FXR1: variants seen among roughly 807,000 people sequenced by gnomAD.
FXR1 encodes FMR1 autosomal homolog 1, also known as RNA-binding protein FXR1.
In FXR1, 15 loss-of-function variants were observed where a neutral mutation model predicts 84.0. That is an observed-to-expected ratio of 0.18 (90% CI 0.12 to 0.27). FXR1 has a LOEUF of 0.27. Ranked by LOEUF, FXR1 falls within the 10% of genes least tolerant of loss-of-function variation. FXR1 has a pLI of 1.00. For missense variants in FXR1, 480 were observed against 774.4 expected (o/e 0.62, Z 4.51); for synonymous variants, 245 against 250.7 (o/e 0.98, Z 0.21).
intron 13 of FXR1, among the ~76,000 whole-genome samples, 188 bp from the exon 14 acceptor site, chr3:180,967,863 T>C (rs1324826163): frequency 2.6e-5 from 4 of 152,200 alleles, no homozygotes; most frequent in African/African-American, 9.7e-5. Context: ...ACTATACTAG[T>C]ATATTAATAG....
At chr3:180,919,885 C>T (rs1718367181) in intron 1 of FXR1, among the ~76,000 whole-genome samples, 1 of 151,802 alleles carries the variant, frequency 6.6e-6, no homozygotes, top group South Asian at 2.1e-4. Flanking sequence ...CCAGGCTGGT[C>T]CCAAACTGCT....
At chr3:180,950,208 A>G (rs1722085800) in intron 7 of FXR1, among the ~76,000 whole-genome samples, 1 of 152,238 alleles carries the variant, frequency 6.6e-6, no homozygotes, top group Non-Finnish European at 1.5e-5. Context: ...GCATGCACAC[A>G]CTGTGATGTC....
At chr3:180,958,092 C>T (rs184217446) in intron 10 of FXR1, among the ~76,000 whole-genome samples, 164 bp downstream of exon 10, 2 of 152,098 alleles carry the variant, frequency 1.3e-5, no homozygotes, top group East Asian at 1.9e-4. Flanking sequence ...AAGTCATTTT[C>T]TACTATGTGG....
rs576259764 is a variant in FXR1 at position 180,950,006 on chromosome 3, ACT to A, written c.630+666_630+667del. ...CATCAGTAACTAGTTCACTGTAACAACTCTTGTGTGAGAGGAGAGGAGGACTA... is the reference window on the plus strand; with the variant it reads ...CATCAGTAACTAGTTCACTGTAACAACTTGTGTGAGAGGAGAGGAGGACTA... On this transcript the variant is annotated intron_variant, in intron 7 of 16. Transcript: ENST00000357559. Among the ~76,000 whole-genome samples the A allele has an allele frequency of 3.8e-4, 58 of 152,154 alleles. No individual in the cohort carries two copies. In the East Asian group the frequency reaches 0.011, roughly 28 times the overall value.
chr3:180,973,564 A>AATT (rs1240831501), intron 15 of FXR1, among the ~76,000 whole-genome samples: 1 of 152,256 alleles, frequency 6.6e-6, no homozygotes, highest in East Asian at 1.9e-4. Flanking sequence ...TAGACATAAT[A>AATT]AAGTGGATTA....
chr3:180,930,118 C>G (rs988136099), intron 1 of FXR1, among the ~76,000 whole-genome samples: 5 of 152,156 alleles, frequency 3.3e-5, no homozygotes, highest in African/African-American at 1.2e-4. Flanking sequence ...CAAAAATTAG[C>G]TGGGCGTGGT....
chr3:180,941,761 C>G (rs1315347668), intron 3 of FXR1, among the ~76,000 whole-genome samples: 1 of 152,110 alleles, frequency 6.6e-6, no homozygotes, highest in Non-Finnish European at 1.5e-5. Flanking sequence ...TGGTAGGAAA[C>G]TGATTTGTTA....
intron 1 of FXR1, among the ~76,000 whole-genome samples, chr3:180,916,181 A>G (rs887280919): frequency 2.6e-5 from 4 of 152,226 alleles, no homozygotes; most frequent in Non-Finnish European, 5.9e-5. Flanking sequence ...TGTATATTCT[A>G]TAAAACAACC....
Position 180,912,697 on chromosome 3 carries a change from G to T in FXR1, c.12G>T (p.Leu4=). 1 of 1,613,912 alleles carries T rather than the reference G, an allele frequency of 6.2e-7. No homozygotes were observed. The highest frequency in any genetic ancestry group is 1.1e-5 in the South Asian group (1 of 91,066). Residue 4 remains leucine (L), a synonymous_variant, in exon 1 of 17, where the codon CTG becomes CTT. Coordinates refer to ENST00000357559, the MANE Select transcript of FXR1 (RefSeq NM_005087.4). Reference sequence around the variant, plus strand: ...TTTGCGGTTCCAACATGGCGGAGCTGACGGTGGAGGTTCGCGGCTCTAACG... The same window carrying T: ...TTTGCGGTTCCAACATGGCGGAGCTTACGGTGGAGGTTCGCGGCTCTAACG... MAE[L]TVEVRGSNGA...
At chr3:180,919,595 A>G (rs1410511488) in intron 1 of FXR1, among the ~76,000 whole-genome samples, 2 of 149,650 alleles carry the variant, frequency 1.3e-5, no homozygotes, top group Non-Finnish European at 3.0e-5. Context: ...ATAATTTTTT[A>G]CATTGATTAC....
intron 1 of FXR1, chr3:180,927,908 G>A (rs1472546031): frequency 2.9e-6 from 1 of 350,168 alleles, no homozygotes; most frequent in African/African-American, 2.1e-5. Flanking sequence ...TAACCCTGTT[G>A]TATGCTGTTT....
chr3:180,915,550 A>G, intron 1 of FXR1: 1 of 1,371,966 alleles, frequency 7.3e-7, no homozygotes, highest in African/African-American at 1.4e-5. Context: ...ACTCAGCAAA[A>G]ACTAGAAGTT....
intron 3 of FXR1, among the ~76,000 whole-genome samples, chr3:180,939,602 A>G (rs1460638214): frequency 1.3e-5 from 2 of 152,178 alleles, no homozygotes; most frequent in Admixed American, 6.5e-5. Flanking sequence ...GAGCTCTACC[A>G]TCATACTTTT....
rs956729532 is a variant in FXR1 at position 180,980,041 on chromosome 3, C to G, written c.*3749C>G. On this transcript the variant is annotated 3_prime_UTR_variant, in exon 17 of 17. Transcript: ENST00000357559. ...AGAATTAGAAGCTGCTATTTTAGCT[C>G]TATTAACTTTTTCTCTATGGTTTCA... 6.6e-6 allele frequency: 1 copy of G among 152,010 alleles called. No homozygotes were observed. Among genetic ancestry groups the G allele is most frequent in the Non-Finnish European group, 1.5e-5 (1 of 67,902 alleles). The allele number at this position is 152,010 out of a possible 1,614,324, so 9.4% of individuals were successfully genotyped here. A position where few individuals can be genotyped will look rare whatever the true frequency, so the allele number is the denominator to read the frequency against.
In FXR1 at chr3:180,935,343, T is replaced by C. The variant is rs866230112; in HGVS notation, c.198+112T>C. On this transcript the variant is annotated intron_variant, in intron 3 of 16. Coordinates refer to ENST00000357559, the MANE Select transcript of FXR1 (RefSeq NM_005087.4). ...GATAAATCTAATTCATTTTCTCTAT[T>C]CTTTCTATTGGTGGTAATAGCTGTG... 52 of 615,478 alleles carry C rather than the reference T, an allele frequency of 8.4e-5. 1 individual carries two copies. The Middle Eastern group carries it at 1.7e-3, about 20-fold the overall frequency. The allele number at this position is 615,478 out of a possible 1,614,324, so 38.1% of individuals were successfully genotyped here.
At chr3:180,950,059 G>A (rs564968540) in intron 7 of FXR1, among the ~76,000 whole-genome samples, 5 of 152,254 alleles carry the variant, frequency 3.3e-5, no homozygotes, top group African/African-American at 1.2e-4. Context: ...GTGGCATGTA[G>A]TATTAAAATA....
chr3:180,920,117 C>T (rs1718399869), intron 1 of FXR1, among the ~76,000 whole-genome samples: 1 of 152,186 alleles, frequency 6.6e-6, no homozygotes. Context: ...AAGGGATGCG[C>T]TCCCGTGTTG....
intron 2 of FXR1, among the ~76,000 whole-genome samples, chr3:180,934,859 A>G (rs1720340389): frequency 2.0e-5 from 3 of 152,212 alleles, no homozygotes; most frequent in African/African-American, 7.2e-5. Flanking sequence ...TATTGCTCTT[A>G]TGATGAGTAA....
intron 1 of FXR1, 143 bp downstream of exon 1, chr3:180,912,879 C>T (rs1280938711): frequency 1.4e-5 from 21 of 1,448,470 alleles, no homozygotes; most frequent in South Asian, 8.2e-5. Context: ...TTGCTTCTCC[C>T]CCCTCCACCC....
Sources: gnomAD v4.1 joint callset for allele counts (sites outside exome capture counted in the v4.1 genomes callset) on GRCh38, gnomAD v4.1.1 for gene constraint, MANE v1.5 for transcripts, NCBI Gene and HGNC (gene_info 2026-07-23, HGNC 2026-07-21) for gene names.